The following PLSCR5 variants were observed in gnomAD, a reference collection of about 807,000 sequenced individuals.
PLSCR5 encodes the protein phospholipid scramblase family, member 5.
A neutral mutation model predicts 33.6 loss-of-function variants in PLSCR5; 44 were observed. The observed-to-expected ratio is 1.31, with a 90% confidence interval of 1.03 to 1.69. PLSCR5 has a LOEUF of 1.69. Among genes scored for constraint, PLSCR5 ranks in the 40% most tolerant of loss-of-function variants. The pLI, the probability that PLSCR5 is intolerant of heterozygous loss-of-function variation, is 0.00. For synonymous variants in PLSCR5, 148 were observed against 112.3 expected (o/e 1.32, Z -2.01); for missense variants, 375 against 318.7 (o/e 1.18, Z -1.34).
chr3:146,580,389 C>T (rs2044625462), intron 7 of PLSCR5, among the ~76,000 whole-genome samples: 1 of 151,236 alleles, frequency 6.6e-6, no homozygotes. Flanking sequence ...TTACTGTACT[C>T]CATACTGGCT....
chr3:146,601,080 T>C (rs2044809992), intron 1 of PLSCR5, among the ~76,000 whole-genome samples: 1 of 151,106 alleles, frequency 6.6e-6, no homozygotes, highest in South Asian at 2.1e-4. Flanking sequence ...ATAAAAGATA[T>C]CATAATCAAA....
In PLSCR5 at chr3:146,591,704, A is replaced by G. The variant is rs2044715943; in HGVS notation, c.615+16T>C. The stretch of plus-strand genomic sequence containing the variant: ...CAGGACCTAAATGAAAACTTCTTTC[A>G]TTTTGTCAATTGTACCTCAAAATCC... On this transcript the variant is annotated intron_variant, in intron 5 of 7. Coordinates refer to ENST00000443512, the MANE Select transcript of PLSCR5 (RefSeq NM_001085420.2). 6.3e-7 allele frequency: 1 copy of G among 1,598,550 alleles called. No homozygotes were observed. The highest frequency in any genetic ancestry group is 8.5e-7 in the Non-Finnish European group (1 of 1,173,544).
At position 146,580,454 on chromosome 3, in the gene PLSCR5, C is replaced by CTT. The variant is rs1170556618; in HGVS notation, c.*45-3731_*45-3730dup. On this transcript the variant is annotated intron_variant, in intron 7 of 7. Coordinates refer to the PLSCR5 transcript ENST00000482567. ...TCTTGACTCAGAGCCTTTGAATTTG[C>CTT]TTTTTTTTTTTTTTTTTTTTTTTTT... Among the ~76,000 whole-genome samples, 372 of 60,554 alleles carry CTT rather than the reference C, an allele frequency of 6.1e-3. 48 individuals carry two copies. Among genetic ancestry groups the CTT allele is most frequent in the African/African-American group, 0.015 (203 of 13,800 alleles). 39.7% of individuals were successfully genotyped at this position (60,554 alleles called of 152,430 possible). A position where few individuals can be genotyped will look rare whatever the true frequency, so the allele number is the denominator to read the frequency against.
chr3:146,595,876 G>C (rs1173898360), intron 2 of PLSCR5, among the ~76,000 whole-genome samples: 1 of 152,130 alleles, frequency 6.6e-6, no homozygotes, highest in Non-Finnish European at 1.5e-5. Context: ...ATATCTTTCA[G>C]TGATGGAATA....
At chr3:146,590,700 T>C (rs569738268) in intron 5 of PLSCR5, among the ~76,000 whole-genome samples, 1 of 152,196 alleles carries the variant, frequency 6.6e-6, no homozygotes, top group Non-Finnish European at 1.5e-5. Context: ...CGTAGGAAAG[T>C]CATGCCAAAT....
chr3:146,591,821 A>G lies in PLSCR5; in HGVS notation c.514T>C (p.Phe172Leu). Residue 172 changes from phenylalanine (F) to leucine (L), a missense_variant, in exon 5 of 8, where the codon TTT becomes CTT. Transcript: ENST00000443512. Reference sequence around the variant, plus strand: ...TTTTGGATTGTGAATTTAGGCAGAAAGGGGTCCCACTTCTGCGTAACGTAA... The same window carrying G: ...TTTTGGATTGTGAATTTAGGCAGAAGGGGGTCCCACTTCTGCGTAACGTAA... ...VGYVTQKWDP[F>L]LPKFTIQNAN... The G allele has an allele frequency of 6.2e-7, 1 of 1,612,408 alleles. No individual in the cohort carries two copies. Among genetic ancestry groups the G allele is most frequent in the Non-Finnish European group, 8.5e-7 (1 of 1,178,944 alleles).
chr3:146,588,241 C>A (rs531377656), intron 6 of PLSCR5, among the ~76,000 whole-genome samples: 1 of 152,030 alleles, frequency 6.6e-6, no homozygotes, highest in South Asian at 2.1e-4. Context: ...GAGGCCAAAG[C>A]GGGTGGATCA....
At chr3:146,588,347 T>G (rs1216065846) in intron 6 of PLSCR5, among the ~76,000 whole-genome samples, 1 of 152,128 alleles carries the variant, frequency 6.6e-6, no homozygotes, top group Non-Finnish European at 1.5e-5. Flanking sequence ...GGCACATGCC[T>G]GTAATCCCAG....
At chr3:146,583,259 T>C (rs976320065), downstream of PLSCR5, among the ~76,000 whole-genome samples, 1 of 152,200 alleles carries the variant, frequency 6.6e-6, no homozygotes, top group Non-Finnish European at 1.5e-5. Context: ...AACTAAACTG[T>C]TACCACTGTA....
At position 146,594,023 on chromosome 3, in the gene PLSCR5, C is replaced by T. The variant is rs199965523; in HGVS notation, c.350G>A (p.Arg117Gln). The T allele has an allele frequency of 9.4e-5, 151 of 1,613,804 alleles. No homozygotes were observed. Among genetic ancestry groups the T allele is most frequent in the East Asian group, 4.9e-4 (22 of 44,864 alleles). Residue 117 changes from arginine to glutamine, a missense_variant, in exon 4 of 8, where the codon CGA becomes CAA. By Grantham distance (43) the Arg-to-Gln change is conservative. Coordinates refer to ENST00000443512, the MANE Select transcript of PLSCR5 (RefSeq NM_001085420.2). The part of the protein sequence containing the change: ...CFNRTFCSTL[R>Q]SCTLRITDNS... ...ATCTGTGATCCTCAGGGTGCAAGAT[C>T]GCAGAGTGGAACAGAAAGTACGATT...
In PLSCR5 at chr3:146,605,282, G is replaced by T; in HGVS notation, c.-70C>A. 6.2e-7 allele frequency: 1 copy of T among 1,606,236 alleles called. No individual in the cohort carries two copies. The highest frequency in any genetic ancestry group is 1.3e-5 in the African/African-American group (1 of 74,640). On this transcript the variant is annotated 5_prime_UTR_variant, in exon 1 of 8. Coordinates refer to ENST00000443512, the MANE Select transcript of PLSCR5 (RefSeq NM_001085420.2). ...CAAAGGCTTTTCTTGTTGCAGCAAGGAGAGAAAACGCAGCATGCACAAAAC... is the reference window on the plus strand; with the variant it reads ...CAAAGGCTTTTCTTGTTGCAGCAAGTAGAGAAAACGCAGCATGCACAAAAC...
chr3:146,580,929 G>T (rs939326930), downstream of PLSCR5, among the ~76,000 whole-genome samples: 1 of 152,064 alleles, frequency 6.6e-6, no homozygotes, highest in African/African-American at 2.4e-5. Flanking sequence ...ATCCTTCTAG[G>T]AAAGAATTGA....
At chr3:146,580,700 C>G (rs1576814826) in intron 7 of PLSCR5, among the ~76,000 whole-genome samples, 1 of 152,024 alleles carries the variant, frequency 6.6e-6, no homozygotes, top group Non-Finnish European at 1.5e-5. Flanking sequence ...TGAGCTCAGG[C>G]AAGCCGCCCG....
At chr3:146,578,264 T>C (rs1203850605) in intron 7 of PLSCR5, among the ~76,000 whole-genome samples, 1 of 152,094 alleles carries the variant, frequency 6.6e-6, no homozygotes, top group Non-Finnish European at 1.5e-5. Context: ...TTTTCAGGCT[T>C]ACACATTGGC....
chr3:146,605,166 G>T, intron 1 of PLSCR5, 34 bp downstream of exon 1: 2 of 1,589,940 alleles, frequency 1.3e-6, no homozygotes, highest in South Asian at 1.1e-5. Context: ...CTTAATATAA[G>T]AAAAAGTTAT....
chr3:146,598,111 C>T (rs2044777702), intron 2 of PLSCR5, among the ~76,000 whole-genome samples: 1 of 152,004 alleles, frequency 6.6e-6, no homozygotes. Context: ...AAACAAGATT[C>T]TCAATAGTAA....
intron 1 of PLSCR5, among the ~76,000 whole-genome samples, chr3:146,603,862 A>G (rs2044840865): frequency 6.6e-6 from 1 of 152,150 alleles, no homozygotes; most frequent in African/African-American, 2.4e-5. Context: ...TCAGATAGAA[A>G]AAAATGACAC....
At chr3:146,593,512 A>G (rs775569947) in intron 4 of PLSCR5, among the ~76,000 whole-genome samples, 1 of 152,200 alleles carries the variant, frequency 6.6e-6, no homozygotes, top group Non-Finnish European at 1.5e-5. Flanking sequence ...ATACTAAATA[A>G]TAATACCTAT....
At chr3:146,582,545 A>C (rs1262283842), downstream of PLSCR5, among the ~76,000 whole-genome samples, 1 of 152,118 alleles carries the variant, frequency 6.6e-6, no homozygotes, top group African/African-American at 2.4e-5. Flanking sequence ...TGTGGCAGAG[A>C]GCTTTCTCTC....
Sources: gnomAD v4.1 joint callset for allele counts (sites outside exome capture counted in the v4.1 genomes callset) on GRCh38, gnomAD v4.1.1 for gene constraint, MANE v1.5 for transcripts, NCBI Gene and HGNC (gene_info 2026-07-23, HGNC 2026-07-21) for gene names.